The following HTR1F variants were observed in gnomAD, a reference collection of about 807,000 sequenced individuals.
The protein encoded by HTR1F is 5-hydroxytryptamine receptor 1F.
In HTR1F, 17 loss-of-function variants were observed where a neutral mutation model predicts 24.0. That is an observed-to-expected ratio of 0.71 (90% CI 0.48 to 1.06). The LOEUF is 1.06. Ranked by LOEUF, HTR1F falls within the 50% of genes least tolerant of loss-of-function variation. The pLI is 0.00. For missense variants in HTR1F, 391 were observed against 427.8 expected (o/e 0.91, Z 0.76); for synonymous variants, 186 against 156.8 (o/e 1.19, Z -1.39).
chr3:87,993,085 G>A lies in HTR1F; in HGVS notation c.*1235G>A, dbSNP rs1210422243. ...AGAGGATTTTATTTTATTTGAACCAGCAAGGTCATAGACTACCTTTGGGAA... is the reference window on the plus strand; with the variant it reads ...AGAGGATTTTATTTTATTTGAACCAACAAGGTCATAGACTACCTTTGGGAA... On this transcript the variant is annotated 3_prime_UTR_variant, in exon 3 of 3. Transcript: ENST00000319595. 1 of 166,878 alleles carries A rather than the reference G, an allele frequency of 6.0e-6. No individual in the cohort carries two copies. The highest frequency in any genetic ancestry group is 1.5e-5 in the Non-Finnish European group (1 of 68,076). The allele number at this position is 166,878 out of a possible 1,614,324, so 10.3% of individuals were successfully genotyped here. A position where few individuals can be genotyped will look rare whatever the true frequency, so the allele number is the denominator to read the frequency against.
At chr3:87,799,839 T>C (rs1703965156) in intron 1 of HTR1F, among the ~76,000 whole-genome samples, 1 of 152,174 alleles carries the variant, frequency 6.6e-6, no homozygotes. Context: ...CATGGACAGA[T>C]GGATGACCTC....
intron 2 of HTR1F, among the ~76,000 whole-genome samples, chr3:87,886,091 A>G (rs898877955): frequency 1.3e-5 from 2 of 152,198 alleles, no homozygotes; most frequent in African/African-American, 4.8e-5. Flanking sequence ...AAAATCCTCA[A>G]TAAAATACTG....
chr3:87,977,373 T>G (rs1559655261), intron 2 of HTR1F, among the ~76,000 whole-genome samples: 1 of 149,368 alleles, frequency 6.7e-6, no homozygotes, highest in African/African-American at 2.4e-5. Context: ...TTTTTCCCTC[T>G]ACAGATAATG....
intron 2 of HTR1F, among the ~76,000 whole-genome samples, chr3:87,888,531 A>G (rs1420791695): frequency 2.0e-5 from 3 of 152,120 alleles, no homozygotes; most frequent in Admixed American, 6.6e-5. Flanking sequence ...TGAGGAAAAA[A>G]ACATTGTGAG....
chr3:87,886,151 T>A (rs1312891814), intron 2 of HTR1F, among the ~76,000 whole-genome samples: 5 of 152,204 alleles, frequency 3.3e-5, no homozygotes, highest in Admixed American at 3.3e-4. Flanking sequence ...CACGATCAAG[T>A]TGTCTTCATC....
chr3:87,948,124 A>G (rs1704752476), intron 2 of HTR1F, among the ~76,000 whole-genome samples: 1 of 152,194 alleles, frequency 6.6e-6, no homozygotes, highest in Non-Finnish European at 1.5e-5. Context: ...TAGAAAAGTA[A>G]AGTAAAATAA....
intron 2 of HTR1F, among the ~76,000 whole-genome samples, chr3:87,905,898 C>T (rs952788054): frequency 1.3e-5 from 2 of 151,852 alleles, no homozygotes; most frequent in Admixed American, 6.6e-5. Context: ...TATAGAGATA[C>T]GATATTAAGT....
chr3:87,895,483 C>T (rs932501064), intron 2 of HTR1F, among the ~76,000 whole-genome samples: 2 of 151,990 alleles, frequency 1.3e-5, no homozygotes, highest in African/African-American at 2.4e-5. Flanking sequence ...GATACCAACT[C>T]TCTGTTGGGT....
chr3:87,857,217 T>C (rs1705217268), intron 2 of HTR1F, among the ~76,000 whole-genome samples: 1 of 152,196 alleles, frequency 6.6e-6, no homozygotes, highest in African/African-American at 2.4e-5. Flanking sequence ...AATATTTTTA[T>C]GTTGTAGTAA....
At chr3:87,847,773 A>G (rs1440258282) in intron 2 of HTR1F, among the ~76,000 whole-genome samples, 1 of 151,728 alleles carries the variant, frequency 6.6e-6, no homozygotes, top group African/African-American at 2.4e-5. Flanking sequence ...TAGTCCCCAC[A>G]TGTGAGGGAA....
At chr3:87,882,214 G>C (rs74722188) in intron 2 of HTR1F, among the ~76,000 whole-genome samples, 2,998 of 152,216 alleles carry the variant, frequency 0.02, 36 homozygotes, top group Non-Finnish European at 0.03. Flanking sequence ...GAAACAACAG[G>C]TGCTGGAGAG....
intron 2 of HTR1F, among the ~76,000 whole-genome samples, chr3:87,843,369 C>A (rs1435158385): frequency 6.6e-6 from 1 of 151,532 alleles, no homozygotes; most frequent in African/African-American, 2.4e-5. Flanking sequence ...GAGCAGTGTT[C>A]TTCCTGAGTG....
At chr3:87,958,284 T>C (rs1475487415) in intron 2 of HTR1F, among the ~76,000 whole-genome samples, 1 of 151,520 alleles carries the variant, frequency 6.6e-6, no homozygotes, top group African/African-American at 2.4e-5. Context: ...CCTTACTGTT[T>C]GGGTGGTTGT....
intron 2 of HTR1F, among the ~76,000 whole-genome samples, chr3:87,937,684 G>A (rs1704458332): frequency 6.6e-6 from 1 of 152,154 alleles, no homozygotes; most frequent in African/African-American, 2.4e-5. Context: ...AGCACTTTGG[G>A]AGGATGAGGC....
At chr3:87,956,964 T>A (rs9846032) in intron 2 of HTR1F, among the ~76,000 whole-genome samples, 66,454 of 150,878 alleles carry the variant, frequency 0.44, 15,648 homozygotes, top group African/African-American at 0.61. Context: ...TTTCTCTTGC[T>A]TTTTTAGCCA....
chr3:87,939,562 G>T (rs773346731), intron 2 of HTR1F, among the ~76,000 whole-genome samples: 5 of 152,130 alleles, frequency 3.3e-5, no homozygotes, highest in Non-Finnish European at 7.4e-5. Context: ...CTTGATACTG[G>T]TCTGTTCAGG....
chr3:87,987,834 ATATG>A (rs1705707906), intron 2 of HTR1F, among the ~76,000 whole-genome samples: 2 of 145,022 alleles, frequency 1.4e-5, no homozygotes, highest in African/African-American at 5.0e-5. Flanking sequence ...TATATAAAAT[ATATG>A]TATTATATGT....
intron 2 of HTR1F, among the ~76,000 whole-genome samples, chr3:87,831,529 A>G (rs1182844575): frequency 1.3e-5 from 2 of 151,712 alleles, no homozygotes; most frequent in African/African-American, 4.8e-5. Flanking sequence ...CGCCCGGCTA[A>G]TTTTTTGTAT....
chr3:87,968,960 G>A (rs1705226005), intron 2 of HTR1F, among the ~76,000 whole-genome samples: 1 of 152,234 alleles, frequency 6.6e-6, no homozygotes, highest in African/African-American at 2.4e-5. Context: ...GGTACAGCTT[G>A]GGCCATGGAT....
Sources: allele counts gnomAD v4.1 joint callset (sites outside exome capture counted in the v4.1 genomes callset), GRCh38; gene constraint gnomAD v4.1.1; transcripts MANE v1.5; gene names NCBI Gene and HGNC (gene_info 2026-07-23, HGNC 2026-07-21).